Variants in MAP3K2 observed in about 807,000 individuals in gnomAD.
MAP3K2 encodes the protein MAP/ERK kinase kinase 2.
A neutral mutation model predicts 80.3 loss-of-function variants in MAP3K2; 24 were observed. The ratio of observed to expected loss-of-function variants is 0.30; its 90% CI spans 0.22 to 0.42. MAP3K2 has a LOEUF of 0.42. Among genes scored for constraint, MAP3K2 ranks in the 10% least tolerant of loss-of-function variants. MAP3K2 has a pLI of 1.00. For missense variants in MAP3K2, 608 were observed against 750.1 expected, an observed-to-expected ratio of 0.81 and a Z score of 2.21; for synonymous variants, 244 against 253.7, an observed-to-expected ratio of 0.96 and a Z score of 0.36.
chr2:127,324,287 A>C (rs765138518), intron 9 of MAP3K2, 46 bp from the exon 10 acceptor site: 20 of 1,159,430 alleles, frequency 1.7e-5, no homozygotes, highest in Non-Finnish European at 2.3e-5. Flanking sequence ...AGAACGTAAG[A>C]CATTAAAAAG....
chr2:127,379,493 C>A (rs183706649), intron 1 of MAP3K2, among the ~76,000 whole-genome samples: 1 of 152,270 alleles, frequency 6.6e-6, no homozygotes, highest in Non-Finnish European at 1.5e-5. Context: ...CTATTCACTA[C>A]CTTTATTTTC....
chr2:127,320,308 A>G (rs1163171233), intron 12 of MAP3K2, among the ~76,000 whole-genome samples: 2 of 152,248 alleles, frequency 1.3e-5, no homozygotes, highest in East Asian at 3.8e-4. Flanking sequence ...AATGAGTCAC[A>G]TGAAAATGCA....
In MAP3K2 at chr2:127,310,350, T is replaced by TA. The variant is rs112894831; in HGVS notation, c.1457-1589dup. Among the ~76,000 whole-genome samples the TA allele has an allele frequency of 2.0e-5, 3 of 151,908 alleles. No individual in the cohort carries two copies. The highest frequency in any genetic ancestry group is 2.1e-4 in the South Asian group (1 of 4,802). ...GGTTCCTTTTAGTGGAGAATGGTAT[T>TA]AAAAAAACAAGATATTGGCCAGGTG... is the stretch of plus-strand genomic sequence containing the variant. On this transcript the variant is annotated intron_variant, in intron 15 of 16. Transcript: ENST00000682094. The surrounding 1 kb of genome is among the most constrained non-coding windows in gnomAD (Gnocchi z 4.8).
At chr2:127,312,311 A>C (rs887560266) in intron 15 of MAP3K2, among the ~76,000 whole-genome samples, 3 of 152,244 alleles carry the variant, frequency 2.0e-5, no homozygotes, top group African/African-American at 7.2e-5. Context: ...TGAAATAATG[A>C]GTTGGTTCCC....
chr2:127,386,315 T>G (rs1223369150), intron 1 of MAP3K2, among the ~76,000 whole-genome samples: 1 of 152,240 alleles, frequency 6.6e-6, no homozygotes, highest in African/African-American at 2.4e-5. Flanking sequence ...TTCAGTTAAC[T>G]TATAAACACT....
intron 2 of MAP3K2, among the ~76,000 whole-genome samples, chr2:127,341,839 T>C (rs1202361312): frequency 6.6e-6 from 1 of 152,068 alleles, no homozygotes; most frequent in East Asian, 1.9e-4. Flanking sequence ...GCCCAATGGG[T>C]TTCTGACACA....
At position 127,302,923 on chromosome 2, in the gene MAP3K2, A is replaced by G. The variant is rs1685625577; in HGVS notation, c.*4656T>C. 1.3e-5 allele frequency: 2 copies of G among 152,060 alleles called. No individual in the cohort carries two copies. 9.4% of individuals were successfully genotyped at this position (152,060 alleles called of 1,614,324 possible). A position where few individuals can be genotyped will look rare whatever the true frequency, so the allele number is the denominator to read the frequency against. On this transcript the variant is annotated 3_prime_UTR_variant, in exon 17 of 17. Transcript: ENST00000682094. ...TTTTAAAAAGGAGGTAGAAAAGGGTAGGAGGAGGCAGGCATTAAGAAACAT... is the reference window on the plus strand; with the variant it reads ...TTTTAAAAAGGAGGTAGAAAAGGGTGGGAGGAGGCAGGCATTAAGAAACAT...
chr2:127,341,136 C>A (rs1284379351), intron 2 of MAP3K2, among the ~76,000 whole-genome samples: 1 of 151,580 alleles, frequency 6.6e-6, no homozygotes. Flanking sequence ...ACTACAGGCA[C>A]CCCCCACCAC....
chr2:127,352,780 G>A (rs1421151910), intron 1 of MAP3K2, among the ~76,000 whole-genome samples: 1 of 151,858 alleles, frequency 6.6e-6, no homozygotes, highest in Non-Finnish European at 1.5e-5. Context: ...TGCCATCTCG[G>A]CTCACTGCAA....
rs140366439 is a variant in MAP3K2 at position 127,322,978 on chromosome 2, C to T, written c.839-726G>A. 1.3e-4 allele frequency among the ~76,000 whole-genome samples: 19 copies of T among 151,772 alleles called. No homozygotes were observed. Among genetic ancestry groups the T allele is most frequent in the African/African-American group, 4.6e-4 (19 of 41,444 alleles). On this transcript the variant is annotated intron_variant, in intron 11 of 16. Coordinates refer to ENST00000682094, the MANE Select transcript of MAP3K2 (RefSeq NM_001371910.2). The surrounding 1 kb of genome is among the most constrained non-coding windows in gnomAD (Gnocchi z 4.2). Reference sequence around the variant, plus strand: ...TTTCTAATATCATTTAAAAGTTACTCCTTTTGGATGGGTGCAGTGGCTCAT... The same window carrying T: ...TTTCTAATATCATTTAAAAGTTACTTCTTTTGGATGGGTGCAGTGGCTCAT...
intron 1 of MAP3K2, among the ~76,000 whole-genome samples, chr2:127,359,015 T>C (rs1429839824): frequency 6.6e-6 from 1 of 152,022 alleles, no homozygotes; most frequent in Non-Finnish European, 1.5e-5. Context: ...AAAAGATCAG[T>C]GGCTGCCAGG....
chr2:127,363,509 T>C (rs1329962563), intron 1 of MAP3K2, among the ~76,000 whole-genome samples: 3 of 152,186 alleles, frequency 2.0e-5, no homozygotes, highest in African/African-American at 7.2e-5. Context: ...AACTCCCCAA[T>C]GATATCAAAC....
Position 127,300,440 on chromosome 2 carries a change from A to T in MAP3K2, c.*7139T>A, listed in dbSNP as rs1189095481. 6.6e-6 allele frequency: 1 copy of T among 152,094 alleles called. No homozygotes were observed. Among genetic ancestry groups the T allele is most frequent in the Non-Finnish European group, 1.5e-5 (1 of 67,998 alleles). 9.4% of individuals were successfully genotyped at this position (152,094 alleles called of 1,614,324 possible). A position where few individuals can be genotyped will look rare whatever the true frequency, so the allele number is the denominator to read the frequency against. ...GCTACATTTAAAAATGTACATTATT[A>T]TGTCAAAGGGTAAATTTACAAATTG... On this transcript the variant is annotated 3_prime_UTR_variant, in exon 17 of 17. Coordinates refer to ENST00000682094, the MANE Select transcript of MAP3K2 (RefSeq NM_001371910.2).
chr2:127,333,692 G>C (rs892866973), intron 5 of MAP3K2, among the ~76,000 whole-genome samples: 2 of 152,054 alleles, frequency 1.3e-5, no homozygotes, highest in African/African-American at 2.4e-5. Flanking sequence ...CTGCCAAGAG[G>C]CCACCAAAAT....
At position 127,342,788 on chromosome 2, in the gene MAP3K2, T is replaced by C. The variant is rs1040115561; in HGVS notation, c.4+338A>G. Among the ~76,000 whole-genome samples the C allele has an allele frequency of 1.2e-4, 19 of 152,308 alleles. No homozygotes were observed. The Middle Eastern group carries it at 0.014, about 109-fold the overall frequency. On this transcript the variant is annotated intron_variant, in intron 2 of 16. Coordinates refer to ENST00000682094, the MANE Select transcript of MAP3K2 (RefSeq NM_001371910.2). ...ATACGACCAAGAGTTGTATAACATA[T>C]TCTCCCTGAGCACCAATGATTTGCT...
At chr2:127,382,759 C>T (rs1284249705) in intron 1 of MAP3K2, among the ~76,000 whole-genome samples, 1 of 152,204 alleles carries the variant, frequency 6.6e-6, no homozygotes, top group Non-Finnish European at 1.5e-5. Context: ...CTCCTGACCT[C>T]AGGTGATCCG....
chr2:127,306,460 CACT>C lies in MAP3K2; in HGVS notation c.*1116_*1118del, dbSNP rs369109893. On this transcript the variant is annotated 3_prime_UTR_variant, in exon 17 of 17. Transcript: ENST00000682094. This position sits in a 1 kb window ranked among gnomAD's most constrained non-coding sequence, Gnocchi z 4.7. The stretch of plus-strand genomic sequence containing the variant: ...TCATCCTCGCTCCACTTTTGGCAAC[CACT>C]GTTTCACATGATACCTGTTTTTTTG... 1.8e-4 allele frequency: 28 copies of C among 152,266 alleles called. No individual in the cohort carries two copies. In the East Asian group the frequency reaches 5.2e-3, roughly 28 times the overall value. The allele number at this position is 152,266 out of a possible 1,614,324, so 9.4% of individuals were successfully genotyped here.
chr2:127,316,348 G>A (rs1209996720), intron 14 of MAP3K2, among the ~76,000 whole-genome samples: 1 of 152,188 alleles, frequency 6.6e-6, no homozygotes, highest in Non-Finnish European at 1.5e-5. Context: ...CTCAGCCTGG[G>A]CAACAAGAGC....
intron 4 of MAP3K2, among the ~76,000 whole-genome samples, 176 bp downstream of exon 4, chr2:127,337,562 T>C (rs1442019556): frequency 2.6e-5 from 4 of 152,230 alleles, no homozygotes; most frequent in African/African-American, 7.2e-5. Flanking sequence ...AACCTGAATT[T>C]TGACATATTT....
Sources: gnomAD v4.1 joint callset for allele counts (sites outside exome capture counted in the v4.1 genomes callset) on GRCh38, gnomAD v4.1.1 for gene constraint, Gnocchi (gnomAD v3.1) non-coding constraint, MANE v1.5 for transcripts, NCBI Gene and HGNC (gene_info 2026-07-23, HGNC 2026-07-21) for gene names.